Variants in ALDH1A2 observed in about 807,000 individuals in gnomAD.
ALDH1A2 encodes the protein aldehyde dehydrogenase 1 family member A2, also known as retinal dehydrogenase 2.
Under a neutral mutation model 60.3 loss-of-function variants are expected in ALDH1A2, and 27 were observed. The observed-to-expected ratio is 0.45, with a 90% CI of 0.33 to 0.62. The LOEUF (loss-of-function observed/expected upper bound fraction) is 0.62, where lower values mean the gene tolerates loss of function less well. Ranked by LOEUF, ALDH1A2 falls within the 20% of genes least tolerant of loss-of-function variation. The pLI, the probability that ALDH1A2 is intolerant of heterozygous loss-of-function variation, is 0.02. For missense variants in ALDH1A2, 581 were observed against 643.8 expected (o/e 0.90, Z 1.06); for synonymous variants, 289 against 232.4 (o/e 1.24, Z -2.21).
At chr15:57,973,785 G>A (rs1056107274) in intron 7 of ALDH1A2, among the ~76,000 whole-genome samples, 10 of 152,184 alleles carry the variant, frequency 6.6e-5, no homozygotes, top group African/African-American at 1.2e-4. Context: ...CCCTCCAAAT[G>A]AATGTAAGCC....
intron 1 of ALDH1A2, among the ~76,000 whole-genome samples, chr15:58,022,516 C>T (rs1895956520): frequency 6.6e-6 from 1 of 152,168 alleles, no homozygotes; most frequent in Non-Finnish European, 1.5e-5. Flanking sequence ...TGGTCCACTG[C>T]TGCCACTACC....
At chr15:57,962,910 T>C (rs1893774587) in intron 9 of ALDH1A2, among the ~76,000 whole-genome samples, 1 of 152,160 alleles carries the variant, frequency 6.6e-6, no homozygotes, top group South Asian at 2.1e-4. Context: ...TCAGAACCTG[T>C]CTACAGATTA....
At position 58,065,682 on chromosome 15, in the gene ALDH1A2, G is replaced by T. The variant is rs1273724222; in HGVS notation, c.-32C>A. On this transcript the variant is annotated 5_prime_UTR_variant, in exon 1 of 13. Transcript: ENST00000249750. ...GGGCCGGGTGTCCCTAGCCCGCGGC[G>T]TGGGGCAGTGCGGGCTGTGCGCGCG... 1 of 1,480,302 alleles carries T rather than the reference G, an allele frequency of 6.8e-7. No homozygotes were observed. The highest frequency in any genetic ancestry group is 9.2e-7 in the Non-Finnish European group (1 of 1,092,818). The allele number at this position is 1,480,302 out of a possible 1,614,324, so 91.7% of individuals were successfully genotyped here.
At position 58,059,497 on chromosome 15, in the gene ALDH1A2, A is replaced by G. The variant is rs116964420; in HGVS notation, c.117+6037T>C. 4.2e-3 allele frequency among the ~76,000 whole-genome samples: 634 copies of G among 152,310 alleles called. 22 individuals carry two copies. In the East Asian group the frequency reaches 0.08, roughly 19 times the overall value. ...AAGTAAGATACCTTCCCACTGTCAA[A>G]AGGTATCTACCTTCTGAGAATGTCC... On this transcript the variant is annotated intron_variant, in intron 1 of 12. Coordinates refer to ENST00000249750, the MANE Select transcript of ALDH1A2 (RefSeq NM_003888.4).
intron 1 of ALDH1A2, among the ~76,000 whole-genome samples, chr15:58,021,765 G>A (rs752396354): frequency 2.0e-5 from 3 of 152,266 alleles, no homozygotes; most frequent in Non-Finnish European, 4.4e-5. Flanking sequence ...GGCAAGCTGG[G>A]AGTGCTCCTG....
At chr15:58,002,934 T>C (rs1427412533) in intron 4 of ALDH1A2, among the ~76,000 whole-genome samples, 1 of 151,890 alleles carries the variant, frequency 6.6e-6, no homozygotes, top group African/African-American at 2.4e-5. Context: ...ATAACTATGA[T>C]GATAAACTCT....
chr15:58,062,197 A>G (rs1291789889), intron 1 of ALDH1A2, among the ~76,000 whole-genome samples: 3 of 152,124 alleles, frequency 2.0e-5, no homozygotes, highest in African/African-American at 7.2e-5. Flanking sequence ...TTTCAGCCCC[A>G]TATAATATCA....
intron 7 of ALDH1A2, among the ~76,000 whole-genome samples, chr15:57,969,734 A>G (rs1332377454): frequency 6.6e-6 from 1 of 152,252 alleles, no homozygotes; most frequent in African/African-American, 2.4e-5. Flanking sequence ...GATGTAATAT[A>G]GATTAAATAG....
At chr15:58,062,502 T>C (rs1400377371) in intron 1 of ALDH1A2, among the ~76,000 whole-genome samples, 1 of 152,220 alleles carries the variant, frequency 6.6e-6, no homozygotes, top group Non-Finnish European at 1.5e-5. Context: ...ATATCAGTTA[T>C]ACAAAATTAT....
chr15:58,058,488 C>G (rs1404640519), intron 1 of ALDH1A2, among the ~76,000 whole-genome samples: 6 of 145,064 alleles, frequency 4.1e-5, no homozygotes, highest in Admixed American at 2.7e-4. Flanking sequence ...AAAAAAAAAC[C>G]TAAGAGTCAC....
intron 4 of ALDH1A2, among the ~76,000 whole-genome samples, chr15:58,006,555 T>A (rs1289227533): frequency 6.6e-6 from 1 of 151,968 alleles, no homozygotes; most frequent in Non-Finnish European, 1.5e-5. Flanking sequence ...CTGGACCAAA[T>A]GGTAGTGCCA....
intron 4 of ALDH1A2, among the ~76,000 whole-genome samples, chr15:58,002,742 C>T (rs1332417141): frequency 3.9e-5 from 6 of 151,954 alleles, no homozygotes; most frequent in African/African-American, 1.4e-4. Flanking sequence ...TAACACAATT[C>T]AGTGAATGAA....
chr15:57,999,408 G>T (rs1217108346), intron 4 of ALDH1A2, among the ~76,000 whole-genome samples: 2 of 151,906 alleles, frequency 1.3e-5, no homozygotes, highest in African/African-American at 2.4e-5. Context: ...CTCAAAAGAA[G>T]ACAGTCACGC....
At chr15:58,016,529 A>T (rs1179362071) in intron 1 of ALDH1A2, among the ~76,000 whole-genome samples, 3 of 152,196 alleles carry the variant, frequency 2.0e-5, no homozygotes, top group Non-Finnish European at 4.4e-5. Context: ...AGGTTTTCCA[A>T]AAATCAAAAG....
At chr15:58,032,389 A>C (rs1178696276) in intron 1 of ALDH1A2, among the ~76,000 whole-genome samples, 1 of 152,172 alleles carries the variant, frequency 6.6e-6, no homozygotes, top group Non-Finnish European at 1.5e-5. Flanking sequence ...TAGCATTAGG[A>C]GATATACCTA....
At chr15:58,048,378 T>C (rs563603579) in intron 1 of ALDH1A2, among the ~76,000 whole-genome samples, 2 of 152,160 alleles carry the variant, frequency 1.3e-5, no homozygotes, top group South Asian at 2.1e-4. Flanking sequence ...AAGATCCACC[T>C]AGCTTCTCAC....
chr15:58,025,612 A>T (rs538461070), intron 1 of ALDH1A2, among the ~76,000 whole-genome samples: 40 of 152,336 alleles, frequency 2.6e-4, no homozygotes, highest in African/African-American at 9.6e-4. Flanking sequence ...TCCTGAAACT[A>T]TTCAAAAAAA....
At chr15:57,988,367 T>C (rs1307882901) in intron 7 of ALDH1A2, among the ~76,000 whole-genome samples, 1 of 152,166 alleles carries the variant, frequency 6.6e-6, no homozygotes, top group African/African-American at 2.4e-5. Context: ...GGTAAAATTA[T>C]CTAACTCAAC....
intron 1 of ALDH1A2, among the ~76,000 whole-genome samples, chr15:58,037,431 T>C (rs1467938492): frequency 6.6e-6 from 1 of 151,634 alleles, no homozygotes; most frequent in African/African-American, 2.4e-5. Flanking sequence ...GAGAAAGAAG[T>C]GGAACTCATC....
Sources: allele counts gnomAD v4.1 joint callset (sites outside exome capture counted in the v4.1 genomes callset), GRCh38; gene constraint gnomAD v4.1.1; transcripts MANE v1.5; gene names NCBI Gene and HGNC (gene_info 2026-07-23, HGNC 2026-07-21).